The following LY6S variants were observed in gnomAD, a reference collection of about 807,000 sequenced individuals.
LY6S encodes the protein lymphocyte antigen 6 family member S, also known as lymphocyte antigen 6S.
the LY6S span, among the ~76,000 whole-genome samples, chr8:143,046,509 C>T: frequency 6.8e-6 from 1 of 146,708 alleles, no homozygotes; most frequent in Non-Finnish European, 1.5e-5. Flanking sequence ...ACCCGGGAGG[C>T]AGAGCTTGCA....
chr8:143,043,550 C>A, the LY6S span, among the ~76,000 whole-genome samples: 1 of 152,204 alleles, frequency 6.6e-6, no homozygotes, highest in African/African-American at 2.4e-5. Flanking sequence ...GGTTTGAGTT[C>A]TTTCCCCAGG....
At chr8:143,074,536 ATTTT>A in the LY6S span, among the ~76,000 whole-genome samples, 11 of 152,134 alleles carry the variant, frequency 7.2e-5, no homozygotes, top group South Asian at 1.5e-3. Context: ...TTTATTATTT[ATTTT>A]ATTTTTAATA....
At chr8:143,070,492 T>TATATATATA in the LY6S span, among the ~76,000 whole-genome samples, 1 of 104,004 alleles carries the variant, frequency 9.6e-6, no homozygotes, top group Non-Finnish European at 1.8e-5. Context: ...TATATATATT[T>TATATATATA]TTTTTTTTTT....
chr8:143,044,161 T>C, the LY6S span: 3 of 456,174 alleles, frequency 6.6e-6, no homozygotes, highest in Non-Finnish European at 1.3e-5. Context: ...AGCTTGAAGC[T>C]AACTGTCTCC....
the LY6S span, among the ~76,000 whole-genome samples, chr8:143,058,920 T>C: frequency 2.6e-5 from 4 of 152,252 alleles, no homozygotes; most frequent in Non-Finnish European, 2.9e-5. Context: ...CTCCTATCTC[T>C]GTATGGCCTG....
At chr8:143,058,251 A>G in the LY6S span, among the ~76,000 whole-genome samples, 132 of 152,252 alleles carry the variant, frequency 8.7e-4, no homozygotes, top group African/African-American at 3.2e-3. Flanking sequence ...GGCCCAGGGG[A>G]CCACTACCAC....
the LY6S span, among the ~76,000 whole-genome samples, chr8:143,060,451 G>A: frequency 1.4e-3 from 216 of 152,162 alleles, no homozygotes; most frequent in Admixed American, 4.5e-3. Context: ...AAGTATTAAC[G>A]TCTTTGATCT....
chr8:143,067,133 T>C, the LY6S span, among the ~76,000 whole-genome samples: 1 of 152,158 alleles, frequency 6.6e-6, no homozygotes, highest in Non-Finnish European at 1.5e-5. Flanking sequence ...CTCCTACCCC[T>C]TTCTCCACTC....
the LY6S span, among the ~76,000 whole-genome samples, chr8:143,052,155 C>A: frequency 1.3e-5 from 2 of 151,444 alleles, no homozygotes; most frequent in South Asian, 4.2e-4. Context: ...GTGGCGGGCG[C>A]CTGTAGTCCC....
the LY6S span, among the ~76,000 whole-genome samples, chr8:143,075,103 AT>A: frequency 6.6e-6 from 1 of 151,948 alleles, no homozygotes; most frequent in African/African-American, 2.4e-5. This position sits in a 1 kb window ranked among gnomAD's most constrained non-coding sequence, Gnocchi z 4.1. Flanking sequence ...ATTATGACTC[AT>A]TTTTTTCATT....
At chr8:143,042,577 G>T in the LY6S span, 22 of 174,874 alleles carry the variant, frequency 1.3e-4, no homozygotes, top group Non-Finnish European at 2.4e-4. Context: ...GCGGCCTCAG[G>T]AATGGTGAGG....
chr8:143,055,519 C>A, the LY6S span, among the ~76,000 whole-genome samples: 32 of 152,134 alleles, frequency 2.1e-4, no homozygotes, highest in Non-Finnish European at 3.5e-4. Flanking sequence ...TTTTAAAAAA[C>A]CTTGGCTCAT....
chr8:143,058,921 G>T, the LY6S span, among the ~76,000 whole-genome samples: 5 of 152,270 alleles, frequency 3.3e-5, no homozygotes, highest in South Asian at 1.0e-3. Flanking sequence ...TCCTATCTCT[G>T]TATGGCCTGG....
At chr8:143,044,230 A>T in the LY6S span, 1 of 456,048 alleles carries the variant, frequency 2.2e-6, no homozygotes, top group South Asian at 1.5e-5. Context: ...TCCTGCATGG[A>T]GCTGGTGAGA....
the LY6S span, among the ~76,000 whole-genome samples, chr8:143,060,667 C>A: frequency 6.6e-6 from 1 of 152,160 alleles, no homozygotes; most frequent in Non-Finnish European, 1.5e-5. Flanking sequence ...AGGGTCACTA[C>A]CGGTCTCCAC....
the LY6S span, among the ~76,000 whole-genome samples, chr8:143,048,690 G>A: frequency 4.6e-5 from 7 of 152,030 alleles, no homozygotes; most frequent in East Asian, 9.7e-4. Context: ...GGCTGGTCTC[G>A]AACTGCTGAC....
the LY6S span, chr8:143,044,716 A>C: frequency 7.3e-7 from 1 of 1,367,386 alleles, no homozygotes; most frequent in Non-Finnish European, 9.8e-7. Flanking sequence ...GGAGACACAG[A>C]CCCCATCCAG....
the LY6S span, among the ~76,000 whole-genome samples, chr8:143,049,748 C>T: frequency 7.5e-3 from 1,150 of 152,342 alleles, 13 homozygotes; most frequent in African/African-American, 0.026. Flanking sequence ...TAGGGACTTG[C>T]CCAGCTGGAG....
the LY6S span, among the ~76,000 whole-genome samples, chr8:143,055,890 G>A: frequency 8.2e-3 from 1,241 of 152,130 alleles, 14 homozygotes; most frequent in African/African-American, 0.028. Flanking sequence ...ACAGTAAGGC[G>A]GCAGTGAATG....
Sources: allele counts gnomAD v4.1 joint callset (sites outside exome capture counted in the v4.1 genomes callset), GRCh38; gene constraint gnomAD v4.1.1; non-coding constraint Gnocchi (gnomAD v3.1); transcripts MANE v1.5; gene names NCBI Gene and HGNC (gene_info 2026-07-23, HGNC 2026-07-21).